ZFR: variants seen among roughly 807,000 people sequenced by gnomAD.
ZFR encodes the protein zinc finger RNA binding protein.
In ZFR, 19 loss-of-function variants were observed where a neutral mutation model predicts 130.7. That is an observed-to-expected ratio of 0.15 (90% CI 0.10 to 0.21). The LOEUF is 0.21. Ranked by LOEUF, ZFR falls within the 10% of genes least tolerant of loss-of-function variation. The pLI is 1.00. For synonymous variants in ZFR, 466 were observed against 456.9 expected, an observed-to-expected ratio of 1.02 and a Z score of -0.25; for missense variants, 872 against 1,321.5, an observed-to-expected ratio of 0.66 and a Z score of 5.27.
At chr5:32,419,708 C>T (rs1581709171) in intron 3 of ZFR, 113 bp downstream of exon 3, 7 of 1,480,282 alleles carry the variant, frequency 4.7e-6, no homozygotes, top group African/African-American at 4.2e-5. Context: ...TCTATCAGTA[C>T]ATGTGTATTT....
chr5:32,411,538 A>G (rs1753708546), intron 5 of ZFR, among the ~76,000 whole-genome samples: 1 of 151,640 alleles, frequency 6.6e-6, no homozygotes, highest in African/African-American at 2.4e-5. Flanking sequence ...AAAATACAAA[A>G]ATGAGCCAGG....
chr5:32,398,455 T>C (rs1277050442), intron 9 of ZFR, among the ~76,000 whole-genome samples: 1 of 152,212 alleles, frequency 6.6e-6, no homozygotes, highest in East Asian at 1.9e-4. Context: ...TGAGTTCAAA[T>C]TGTCCAAGCT....
At chr5:32,418,523 T>C (rs2331007) in intron 3 of ZFR, among the ~76,000 whole-genome samples, 43,198 of 151,988 alleles carry the variant, frequency 0.28, 6,794 homozygotes, top group Middle Eastern at 0.44. Context: ...TGGCAGTCCA[T>C]GAAGTAAAGA....
intron 2 of ZFR, among the ~76,000 whole-genome samples, chr5:32,422,224 G>A (rs571054579): frequency 1.3e-5 from 2 of 151,924 alleles, no homozygotes; most frequent in South Asian, 2.1e-4. Context: ...GCCTCTGATC[G>A]TCACCCTAAA....
intron 8 of ZFR, 55 bp downstream of exon 8, chr5:32,403,051 G>A: frequency 3.9e-6 from 6 of 1,550,486 alleles, no homozygotes; most frequent in Non-Finnish European, 4.4e-6. Context: ...TGCTGCAATG[G>A]AGAAGAAACA....
chr5:32,374,064 T>C (rs1243676519), intron 17 of ZFR, among the ~76,000 whole-genome samples: 1 of 152,182 alleles, frequency 6.6e-6, no homozygotes, highest in African/African-American at 2.4e-5. Flanking sequence ...CCAGATGCAG[T>C]GGTCTTGAGA....
intron 17 of ZFR, among the ~76,000 whole-genome samples, chr5:32,366,616 G>C (rs560393378): frequency 7.0e-4 from 107 of 152,186 alleles, no homozygotes; most frequent in African/African-American, 2.4e-3. Flanking sequence ...AAAGAACATA[G>C]CTATTCTCCA....
chr5:32,380,344 C>A, intron 15 of ZFR, 172 bp from the exon 16 acceptor site: 1 of 477,812 alleles, frequency 2.1e-6, no homozygotes. Flanking sequence ...ATATGAGGAA[C>A]AAAAGGTTAA....
At chr5:32,385,104 CTT>C (rs1258790920) in intron 15 of ZFR, among the ~76,000 whole-genome samples, 3 of 152,002 alleles carry the variant, frequency 2.0e-5, no homozygotes, top group East Asian at 1.9e-4. Context: ...TGTGAAAACT[CTT>C]GTCTTTTTTG....
intron 5 of ZFR, among the ~76,000 whole-genome samples, chr5:32,414,640 T>C (rs1753779358): frequency 6.6e-6 from 1 of 152,152 alleles, no homozygotes; most frequent in Admixed American, 6.5e-5. Context: ...AACCTTGAGT[T>C]TTCAATTTCA....
At chr5:32,383,382 CA>C (rs1752973759) in intron 15 of ZFR, among the ~76,000 whole-genome samples, 1 of 152,170 alleles carries the variant, frequency 6.6e-6, no homozygotes, top group Non-Finnish European at 1.5e-5. Flanking sequence ...AAAAAACACA[CA>C]AAATACTTAA....
intron 2 of ZFR, among the ~76,000 whole-genome samples, chr5:32,424,685 G>A (rs1452776182): frequency 6.6e-6 from 1 of 152,110 alleles, no homozygotes; most frequent in Non-Finnish European, 1.5e-5. Flanking sequence ...TTGAGCCTAG[G>A]AAGATTTTCT....
intron 11 of ZFR, among the ~76,000 whole-genome samples, chr5:32,394,683 A>C (rs919826215): frequency 7.9e-5 from 12 of 152,210 alleles, no homozygotes; most frequent in Admixed American, 6.5e-4. Flanking sequence ...GTATAAGTTT[A>C]GAAGATATGT....
chr5:32,414,106 T>C (rs1241041067), intron 5 of ZFR, among the ~76,000 whole-genome samples: 1 of 152,178 alleles, frequency 6.6e-6, no homozygotes, highest in Non-Finnish European at 1.5e-5. Context: ...AGAGCACACA[T>C]GGCTTTACAT....
At chr5:32,389,500 A>T (rs1320134358) in intron 12 of ZFR, among the ~76,000 whole-genome samples, 1 of 152,194 alleles carries the variant, frequency 6.6e-6, no homozygotes, top group African/African-American at 2.4e-5. Context: ...GAATAAATCT[A>T]AATACAAAGC....
rs1321780934 is a variant in ZFR at position 32,435,888 on chromosome 5, T to G, written c.137+8341A>C. On this transcript the variant is annotated intron_variant, in intron 2 of 19. Transcript: ENST00000265069. ...TGAACACTAGACTACAAACTTATTT[T>G]AAGCAAAATTTTATGCTATTTTTTT... Among the ~76,000 whole-genome samples the G allele has an allele frequency of 2.0e-5, 3 of 152,342 alleles. No individual in the cohort carries two copies. In the East Asian group the frequency reaches 5.8e-4, roughly 29 times the overall value.
At chr5:32,439,804 TAAAAAAAAA>T (rs11446399) in intron 2 of ZFR, among the ~76,000 whole-genome samples, 8 of 72,462 alleles carry the variant, frequency 1.1e-4, no homozygotes, top group African/African-American at 3.5e-4. Context: ...ACCATGTCTT[TAAAAAAAAA>T]AAAAAAAAAA....
chr5:32,378,856 C>T (rs1010191913), intron 17 of ZFR, among the ~76,000 whole-genome samples: 10 of 109,382 alleles, frequency 9.1e-5, no homozygotes, highest in African/African-American at 3.4e-4. Context: ...CTAATAAATG[C>T]TGTAATATTA....
At chr5:32,372,702 G>A (rs760378816) in intron 17 of ZFR, among the ~76,000 whole-genome samples, 15 of 151,904 alleles carry the variant, frequency 9.9e-5, no homozygotes, top group Non-Finnish European at 1.5e-4. Context: ...ACATGGTGGC[G>A]CGCGCGCTTG....
Sources: allele counts gnomAD v4.1 joint callset (sites outside exome capture counted in the v4.1 genomes callset), GRCh38; gene constraint gnomAD v4.1.1; transcripts MANE v1.5; gene names NCBI Gene and HGNC (gene_info 2026-07-23, HGNC 2026-07-21).